IPO5: variants seen among roughly 807,000 people sequenced by gnomAD.
IPO5 encodes the protein importin 5.
IPO5 carries 18 observed loss-of-function variants against 143.3 expected under a neutral mutation model. The ratio of observed to expected loss-of-function variants is 0.13; its 90% CI spans 0.09 to 0.19. The LOEUF is 0.19. Among genes scored for constraint, IPO5 ranks in the 10% least tolerant of loss-of-function variants. The probability of loss-of-function intolerance (pLI) is 1.00; values close to 1 mark genes in which losing one functional copy is unlikely to be tolerated. For missense variants in IPO5, 1,013 were observed against 1,336.9 expected (o/e 0.76, Z 3.78); for synonymous variants, 477 against 465.7 (o/e 1.02, Z -0.31).
chr13:98,000,178 G>A lies in IPO5; in HGVS notation c.1002-361G>A, dbSNP rs529087343. ...CGGGCACCTGTAGTCCCAGCTACTC[G>A]GGAGGCTGAGGTAGGAGAATAGCAT... On this transcript the variant is annotated intron_variant, in intron 12 of 28. Transcript: ENST00000651721. Among the ~76,000 whole-genome samples, 10 of 152,152 alleles carry A rather than the reference G, an allele frequency of 6.6e-5. No individual in the cohort carries two copies. In the East Asian group the frequency reaches 7.7e-4, roughly 12 times the overall value.
At chr13:98,010,601 C>G (rs1267531977) in intron 20 of IPO5, among the ~76,000 whole-genome samples, 1 of 151,824 alleles carries the variant, frequency 6.6e-6, no homozygotes, top group Non-Finnish European at 1.5e-5. Context: ...TGTGTTCATG[C>G]TATTTAATGT....
intron 2 of IPO5, among the ~76,000 whole-genome samples, chr13:97,956,131 C>CA (rs5806042): frequency 0.42 from 48,423 of 114,946 alleles, 9,667 homozygotes; most frequent in Non-Finnish European, 0.52. Context: ...GACTCCGTGT[C>CA]AAAAAAAAAA....
chr13:97,971,234 C>T (rs1206233276), intron 3 of IPO5, among the ~76,000 whole-genome samples: 2 of 152,172 alleles, frequency 1.3e-5, no homozygotes, highest in African/African-American at 4.8e-5. Flanking sequence ...AATTTCCCTG[C>T]CTGTGTTCCA....
At chr13:97,963,492 C>T (rs1163160196) in intron 2 of IPO5, among the ~76,000 whole-genome samples, 1 of 151,850 alleles carries the variant, frequency 6.6e-6, no homozygotes, top group African/African-American at 2.4e-5. Context: ...GCCTCAGCCT[C>T]CCAAGTAGCT....
At position 97,975,863 on chromosome 13, in the gene IPO5, G is replaced by T. The variant is rs988468729; in HGVS notation, c.-4-830G>T. The T allele has an allele frequency of 1.3e-5, 13 of 971,276 alleles. No individual in the cohort carries two copies. The African/African-American group carries it at 2.3e-4, about 17-fold the overall frequency. The allele number at this position is 971,276 out of a possible 1,614,324, so 60.2% of individuals were successfully genotyped here. A position where few individuals can be genotyped will look rare whatever the true frequency, so the allele number is the denominator to read the frequency against. ...ACGGGCGGCCTGGCGGGACAGCCCC[G>T]GGCTGAGTAACCCCTCTTCCGGGCA... On this transcript the variant is annotated intron_variant, in intron 3 of 28. Transcript: ENST00000651721.
At chr13:97,955,813 C>T (rs978633259) in intron 2 of IPO5, among the ~76,000 whole-genome samples, 1 of 152,128 alleles carries the variant, frequency 6.6e-6, no homozygotes, top group African/African-American at 2.4e-5. Flanking sequence ...ATCCTATACG[C>T]CCCACTCTGG....
chr13:98,002,193 T>C, intron 13 of IPO5: 1 of 195,102 alleles, frequency 5.1e-6, no homozygotes, highest in Non-Finnish European at 1.0e-5. Flanking sequence ...TTTTTGTATT[T>C]TTAAGTAGAG....
At chr13:97,983,319 T>A (rs1293985972) in intron 5 of IPO5, among the ~76,000 whole-genome samples, 2 of 152,216 alleles carry the variant, frequency 1.3e-5, no homozygotes, top group Admixed American at 1.3e-4. Context: ...TATAACCATC[T>A]CTGGATGAAG....
Position 97,976,443 on chromosome 13 carries a change from TCGGCCCCGCCCCC to T in IPO5, c.-4-248_-4-236del, listed in dbSNP as rs1276432828. On this transcript the variant is annotated intron_variant, in intron 3 of 28. Transcript: ENST00000651721. ...CAGCGCGGCCCCCGAGGAGGCGTCC[TCGGCCCCGCCCCC>T]CTGCGCCCAAGGCCAGTGAGGCGCC... The T allele has an allele frequency of 2.6e-3, 394 of 151,748 alleles. 1 individual carries two copies. Among genetic ancestry groups the T allele is most frequent in the African/African-American group, 8.3e-3 (343 of 41,122 alleles). The allele number at this position is 151,748 out of a possible 1,614,324, so 9.4% of individuals were successfully genotyped here. A position where few individuals can be genotyped will look rare whatever the true frequency, so the allele number is the denominator to read the frequency against.
At chr13:97,979,776 C>T (rs960544253) in intron 4 of IPO5, 19 of 412,546 alleles carry the variant, frequency 4.6e-5, no homozygotes, top group African/African-American at 3.5e-4. Flanking sequence ...AAGTGATCCT[C>T]CCATCTCCCA....
rs748143461 is a variant in IPO5, at chr13:97,985,503, T to C, written c.254T>C (p.Val85Ala). Reference protein sequence around the residue: ...DEVYPALPSDVQTAIKSELLM... With the variant: ...DEVYPALPSDAQTAIKSELLM... The stretch of plus-strand genomic sequence containing the variant: ...GTCTATCCAGCACTTCCCTCTGATG[T>C]TCAGACTGCCATCAAGAGTGAGCTA... Residue 85 changes from valine (V) to alanine (A), a missense_variant, in exon 6 of 29, where the codon GTT becomes GCT. By Grantham distance (64) the Val-to-Ala change is moderately conservative (BLOSUM62 0). Around this residue, in one of 2 missense-constraint regions of IPO5, gnomAD observed 328 missense variants for 342.0 expected, o/e 0.96. Transcript: ENST00000651721. 5.0e-6 allele frequency: 8 copies of C among 1,613,872 alleles called. No individual in the cohort carries two copies. Among genetic ancestry groups the C allele is most frequent in the Non-Finnish European group, 6.8e-6 (8 of 1,179,776 alleles).
chr13:98,013,893 T>A, intron 21 of IPO5, 149 bp from the exon 22 acceptor site: 1 of 619,230 alleles, frequency 1.6e-6, no homozygotes, highest in Admixed American at 3.3e-5. Flanking sequence ...GGTATGTCTT[T>A]TCTATTTTTA....
chr13:97,985,363 A>T, intron 5 of IPO5, 58 bp from the exon 6 acceptor site: 1 of 1,347,940 alleles, frequency 7.4e-7, no homozygotes, highest in Admixed American at 1.8e-5. Flanking sequence ...AAAATACAAC[A>T]GTGAAATACA....
Position 98,002,471 on chromosome 13 carries a change from C to T in IPO5, c.1113C>T (p.Asp371=), listed in dbSNP as rs1888891658. ...ATCTGTAATTTTTTTCGGTAGCTGA[C>T]TGGAAATACCGGCATGCAGGATTGA... The part of the protein sequence containing the change: ...EHIMQMLQNP[D]WKYRHAGLMA... Residue 371 remains aspartate (D), a synonymous_variant, in exon 14 of 29, where the codon GAC becomes GAT. Coordinates refer to ENST00000651721, the MANE Select transcript of IPO5 (RefSeq NM_002271.6). 1 of 1,613,420 alleles carries T rather than the reference C, an allele frequency of 6.2e-7. No homozygotes were observed.
chr13:97,980,698 G>A (rs1019040849), intron 4 of IPO5, among the ~76,000 whole-genome samples: 2 of 151,956 alleles, frequency 1.3e-5, no homozygotes, highest in Non-Finnish European at 2.9e-5. Context: ...GCGGTGGCAG[G>A]CGCCTGTAAT....
intron 2 of IPO5, among the ~76,000 whole-genome samples, chr13:97,963,572 GT>G (rs1885064403): frequency 6.6e-6 from 1 of 151,938 alleles, no homozygotes; most frequent in Non-Finnish European, 1.5e-5. Context: ...GTTTCACCAT[GT>G]TGGCCAGGAT....
chr13:97,976,668 C>G (rs779662692), intron 3 of IPO5, 25 bp from the exon 4 acceptor site: 4 of 1,233,500 alleles, frequency 3.2e-6, no homozygotes, highest in Admixed American at 5.1e-5. Flanking sequence ...CCTGTCTCCC[C>G]TCCCTCCTTC....
chr13:98,016,580 A>C (rs1264417154), intron 24 of IPO5, 149 bp from the exon 25 acceptor site: 12 of 433,738 alleles, frequency 2.8e-5, no homozygotes. Flanking sequence ...CTTGAGGGTT[A>C]CTCCGGTCTC....
chr13:97,967,289 C>A (rs1351571412), intron 2 of IPO5, among the ~76,000 whole-genome samples: 2 of 151,818 alleles, frequency 1.3e-5, no homozygotes, highest in Non-Finnish European at 2.9e-5. Flanking sequence ...CTTTTTTTTC[C>A]TGGTCAGTAC....
Sources: gnomAD v4.1 joint callset for allele counts (sites outside exome capture counted in the v4.1 genomes callset) on GRCh38, gnomAD v4.1.1 for gene constraint, gnomAD v4.1.1 regional missense constraint, MANE v1.5 for transcripts, NCBI Gene and HGNC (gene_info 2026-07-23, HGNC 2026-07-21) for gene names.